Variants in ROBO1 observed in about 807,000 individuals in gnomAD.
The protein encoded by ROBO1 is roundabout guidance receptor 1.
A neutral mutation model predicts 195.9 loss-of-function variants in ROBO1; 149 were observed. That is an observed-to-expected ratio of 0.76 (90% CI 0.67 to 0.87). The LOEUF (loss-of-function observed/expected upper bound fraction) is 0.87, where lower values mean the gene tolerates loss of function less well. Among genes scored for constraint, ROBO1 ranks in the 40% least tolerant of loss-of-function variants. The pLI is 0.00. For synonymous variants in ROBO1, 816 were observed against 733.2 expected (o/e 1.11, Z -1.82); for missense variants, 1,933 against 2,068.3 (o/e 0.93, Z 1.27).
chr3:79,664,668 C>A (rs1204595352), intron 1 of ROBO1, among the ~76,000 whole-genome samples: 1 of 152,102 alleles, frequency 6.6e-6, no homozygotes, highest in East Asian at 1.9e-4. Flanking sequence ...AACAGAATTG[C>A]AGTAGAGAAG....
At chr3:78,741,946 A>G (rs549540108) in intron 5 of ROBO1, among the ~76,000 whole-genome samples, 1 of 152,276 alleles carries the variant, frequency 6.6e-6, no homozygotes, top group Non-Finnish European at 1.5e-5. Context: ...GAATAAGAAA[A>G]TGTTATTTAT....
At chr3:78,686,748 A>G (rs1296863021) in intron 9 of ROBO1, among the ~76,000 whole-genome samples, 1 of 152,178 alleles carries the variant, frequency 6.6e-6, no homozygotes, top group Non-Finnish European at 1.5e-5. Flanking sequence ...TGGCACCACA[A>G]TAAGCATCTC....
Position 78,627,364 on chromosome 3 carries a change from A to G in ROBO1, c.3832T>C (p.Cys1278Arg), listed in dbSNP as rs778230043. Residue 1278 changes from cysteine to arginine, a missense_variant, in exon 26 of 31, where the codon TGT (cysteine) becomes CGT (arginine). Physicochemically the swap from Cys to Arg is radical, Grantham distance 180. This residue lies in a region of ROBO1 where 1,737 missense variants were observed against 1,882.5 expected (regional missense o/e 0.92). Coordinates refer to ENST00000464233, the MANE Select transcript of ROBO1 (RefSeq NM_002941.4). ...TGCATGTGGCCAGTCTCCTCTGGAC[A>G]ATCCTGTAACATGGGCTGGAGTTCT... ...QEELQPMLQD[C>R]PEETGHMQHQ... 7 of 1,612,682 alleles carry G rather than the reference A, an allele frequency of 4.3e-6. No homozygotes were observed. The highest frequency in any genetic ancestry group is 5.9e-6 in the Non-Finnish European group (7 of 1,179,382).
At chr3:78,685,119 T>C (rs1297883676) in intron 10 of ROBO1, among the ~76,000 whole-genome samples, 1 of 152,078 alleles carries the variant, frequency 6.6e-6, no homozygotes, top group Non-Finnish European at 1.5e-5. Flanking sequence ...TATATGTATA[T>C]GAAATAAGAT....
intron 2 of ROBO1, among the ~76,000 whole-genome samples, chr3:79,414,153 G>T (rs2037897299): frequency 6.6e-6 from 1 of 151,736 alleles, no homozygotes; most frequent in African/African-American, 2.4e-5. Context: ...TCACCTGGAA[G>T]TAGAGAACTT....
At position 79,697,680 on chromosome 3, in the gene ROBO1, G is replaced by C. The variant is rs142550828; in HGVS notation, c.-51+70072C>G. Among the ~76,000 whole-genome samples the C allele has an allele frequency of 2.0e-5, 3 of 151,460 alleles. No individual in the cohort carries two copies. The East Asian group carries it at 5.8e-4, about 29-fold the overall frequency. ...TATATTAATAATAATAATTTTTAAA[G>C]TTCCATGGATTGGAAAATGTAGTTC... On this transcript the variant is annotated intron_variant, in intron 1 of 30. Transcript: ENST00000464233.
chr3:79,048,756 G>C (rs1313626885), intron 3 of ROBO1, among the ~76,000 whole-genome samples: 1 of 151,998 alleles, frequency 6.6e-6, no homozygotes, highest in Non-Finnish European at 1.5e-5. Flanking sequence ...AGGCAAACAG[G>C]GTCTGGAGGG....
intron 2 of ROBO1, among the ~76,000 whole-genome samples, chr3:79,273,988 C>T (rs910701101): frequency 6.6e-6 from 1 of 151,806 alleles, no homozygotes; most frequent in Admixed American, 6.6e-5. Context: ...TATATGTACC[C>T]AACACCAGGG....
chr3:79,100,274 G>A (rs112590019), intron 3 of ROBO1, among the ~76,000 whole-genome samples: 2 of 151,754 alleles, frequency 1.3e-5, no homozygotes, highest in Non-Finnish European at 2.9e-5. Flanking sequence ...TAATGTGATG[G>A]TAGTTTACAT....
Position 78,746,810 on chromosome 3 carries a change from T to C in ROBO1, c.590A>G (p.His197Arg). The C allele has an allele frequency of 6.2e-7, 1 of 1,602,622 alleles. No individual in the cohort carries two copies. The highest frequency in any genetic ancestry group is 8.5e-7 in the Non-Finnish European group (1 of 1,171,758). Residue 197 changes from histidine (H) to arginine (R), a missense_variant, in exon 5 of 31, where the codon CAT becomes CGT. Physicochemically the swap from His to Arg is conservative, Grantham distance 29 (BLOSUM62 0). Transcript: ENST00000464233. Reference protein sequence around the residue: ...AVMECQPPRGHPEPTISWKKD... With the variant: ...AVMECQPPRGRPEPTISWKKD... Reference sequence around the variant, plus strand: ...CTTCCATGAAATGGTGGGCTCAGGATGGCCTCGTGGAGGTTGGCATTCCAT... The same window carrying C: ...CTTCCATGAAATGGTGGGCTCAGGACGGCCTCGTGGAGGTTGGCATTCCAT...
chr3:78,934,614 T>C lies in ROBO1; in HGVS notation c.499+3987A>G, dbSNP rs140818622. Reference sequence around the variant, plus strand: ...TTTTCTGCCCTCACCAAAGACCATCTACTTCTGTGAAGGAGTTAGTTCTAA... The same window carrying C: ...TTTTCTGCCCTCACCAAAGACCATCCACTTCTGTGAAGGAGTTAGTTCTAA... On this transcript the variant is annotated intron_variant, in intron 4 of 30. Transcript: ENST00000464233. 1.2e-3 allele frequency among the ~76,000 whole-genome samples: 185 copies of C among 152,088 alleles called. 1 individual carries two copies. The East Asian group carries it at 0.027, about 22-fold the overall frequency.
chr3:78,950,424 C>T (rs2040711083), intron 3 of ROBO1, among the ~76,000 whole-genome samples: 1 of 147,978 alleles, frequency 6.8e-6, no homozygotes, highest in Non-Finnish European at 1.5e-5. Context: ...AAAAACCAAA[C>T]ACCGCATGTT....
chr3:78,937,801 A>C (rs2039893310), intron 4 of ROBO1, among the ~76,000 whole-genome samples: 1 of 152,176 alleles, frequency 6.6e-6, no homozygotes. Context: ...ATAAAATATA[A>C]GGCATATACA....
At chr3:78,685,418 G>C (rs978642535) in intron 10 of ROBO1, among the ~76,000 whole-genome samples, 1 of 151,978 alleles carries the variant, frequency 6.6e-6, no homozygotes, top group Admixed American at 6.6e-5. Context: ...ATAGAGGAAA[G>C]AGAAGAGATG....
At chr3:79,499,852 C>G (rs1475713474) in intron 2 of ROBO1, among the ~76,000 whole-genome samples, 1 of 151,860 alleles carries the variant, frequency 6.6e-6, no homozygotes, top group Non-Finnish European at 1.5e-5. Flanking sequence ...TATCTGTTGC[C>G]CGAGAGTGAT....
intron 4 of ROBO1, among the ~76,000 whole-genome samples, chr3:78,786,602 G>A (rs1489123495): frequency 6.6e-6 from 1 of 152,036 alleles, no homozygotes; most frequent in Non-Finnish European, 1.5e-5. Flanking sequence ...CATCATGGGG[G>A]TGGGTTTTTC....
chr3:79,592,810 CA>C (rs1326900975), intron 1 of ROBO1, among the ~76,000 whole-genome samples: 1 of 151,992 alleles, frequency 6.6e-6, no homozygotes, highest in African/African-American at 2.4e-5. Flanking sequence ...TGGGTTTGAA[CA>C]AATGTATATG....
At chr3:79,613,576 T>C (rs960942082) in intron 1 of ROBO1, among the ~76,000 whole-genome samples, 4 of 152,010 alleles carry the variant, frequency 2.6e-5, no homozygotes, top group Non-Finnish European at 5.9e-5. Flanking sequence ...GAAGTGTATA[T>C]ATCTCAATCA....
chr3:79,079,712 A>G (rs1207109488), intron 3 of ROBO1, among the ~76,000 whole-genome samples: 1 of 151,872 alleles, frequency 6.6e-6, no homozygotes, highest in African/African-American at 2.4e-5. Flanking sequence ...ACAGAAAGAA[A>G]ACCCATAGTG....
Sources: allele counts gnomAD v4.1 joint callset (sites outside exome capture counted in the v4.1 genomes callset), GRCh38; gene constraint gnomAD v4.1.1; regional missense constraint gnomAD v4.1.1; transcripts MANE v1.5; gene names NCBI Gene and HGNC (gene_info 2026-07-23, HGNC 2026-07-21).